The following PBRM1 variants were observed in gnomAD, a reference collection of about 807,000 sequenced individuals.
PBRM1 encodes polybromo 1, also known as protein polybromo-1.
Under a neutral mutation model 194.5 loss-of-function variants are expected in PBRM1, and 27 were observed. That is an observed-to-expected ratio of 0.14 (90% CI 0.10 to 0.19). The LOEUF (loss-of-function observed/expected upper bound fraction) is 0.19, where lower values mean the gene tolerates loss of function less well. PBRM1 is among the 10% of genes least tolerant of loss of function. PBRM1 has a pLI of 1.00. For missense variants in PBRM1, 1,466 were observed against 2,077.2 expected (o/e 0.71, Z 5.72); for synonymous variants, 655 against 693.2 (o/e 0.94, Z 0.87).
chr3:52,682,218 AC>A, upstream of PBRM1: 1 of 152,302 alleles, frequency 6.6e-6, no homozygotes, highest in East Asian at 1.9e-4. Flanking sequence ...CACATGTGAC[AC>A]CAAGTGTTGG....
intron 3 of PBRM1, among the ~76,000 whole-genome samples, chr3:52,666,656 C>A (rs751567908): frequency 6.6e-6 from 1 of 152,112 alleles, no homozygotes; most frequent in Non-Finnish European, 1.5e-5. Context: ...CTTGGGAGAC[C>A]GAGGCGGGTC....
At chr3:52,564,276 G>T (rs755718207) in intron 22 of PBRM1, 43 bp from the exon 25 acceptor site, 1 of 1,370,602 alleles carries the variant, frequency 7.3e-7, no homozygotes, top group Non-Finnish European at 1.0e-6. Context: ...GTAAACTGTG[G>T]TCATAGTTAC....
intron 10 of PBRM1, among the ~76,000 whole-genome samples, chr3:52,635,511 A>G (rs949611917): frequency 1.3e-5 from 2 of 152,078 alleles, no homozygotes; most frequent in African/African-American, 4.8e-5. Flanking sequence ...GGTTGCAGTG[A>G]GCCGAGATTA....
At chr3:52,644,724 A>T (rs1560713073) in exon 8 of PBRM1, 1 of 1,559,424 alleles carries the variant, frequency 6.4e-7, no homozygotes, top group Non-Finnish European at 8.8e-7. Flanking sequence ...GACTTGACTT[A>T]GCCATTTCAT....
upstream of PBRM1, chr3:52,679,850 C>A: frequency 1.7e-6 from 1 of 586,124 alleles, no homozygotes; most frequent in Non-Finnish European, 2.7e-6. Context: ...TGTAGTTTAA[C>A]TAGCTATAAG....
At chr3:52,657,315 CAAT>C (rs1158455138) in intron 5 of PBRM1, among the ~76,000 whole-genome samples, 2 of 151,464 alleles carry the variant, frequency 1.3e-5, no homozygotes, top group African/African-American at 4.9e-5. Context: ...TCCTTTACCA[CAAT>C]AAGAAACAAA....
intron 29 of PBRM1, 118 bp from the exon 32 acceptor site, chr3:52,548,353 A>C: frequency 1.7e-6 from 1 of 604,356 alleles, no homozygotes; most frequent in Non-Finnish European, 2.7e-6. Flanking sequence ...ATTAAATATT[A>C]TGAATTTTAA....
chr3:52,628,767 C>G, intron 12 of PBRM1, 127 bp downstream of exon 13: 1 of 863,374 alleles, frequency 1.2e-6, no homozygotes. Context: ...CCACCGCACC[C>G]AGCCAAATGA....
At chr3:52,599,203 T>C (rs2093802367) in intron 17 of PBRM1, among the ~76,000 whole-genome samples, 1 of 151,778 alleles carries the variant, frequency 6.6e-6, no homozygotes, top group Non-Finnish European at 1.5e-5. Context: ...CAAAAAAAAT[T>C]GCACATATTT....
chr3:52,615,460 C>G lies in PBRM1; in HGVS notation c.1819-4G>C. The G allele has an allele frequency of 2.0e-6, 3 of 1,512,688 alleles. No individual in the cohort carries two copies. Among genetic ancestry groups the G allele is most frequent in the Non-Finnish European group, 2.8e-6 (3 of 1,088,736 alleles). 93.7% of individuals were successfully genotyped at this position (1,512,688 alleles called of 1,614,324 possible). A position where few individuals can be genotyped will look rare whatever the true frequency, so the allele number is the denominator to read the frequency against. On this transcript the variant is annotated splice_polypyrimidine_tract_variant and splice_region_variant and intron_variant, in intron 14 of 29. Transcript: ENST00000296302. ...GGATATGTGCATCATTATAAACCTACATTCCAAAAATATACTTCAATTATT... is the reference window on the plus strand; with the variant it reads ...GGATATGTGCATCATTATAAACCTAGATTCCAAAAATATACTTCAATTATT...
intron 22 of PBRM1, among the ~76,000 whole-genome samples, chr3:52,566,697 T>C (rs906080102): frequency 6.6e-5 from 10 of 152,210 alleles, no homozygotes; most frequent in Non-Finnish European, 1.2e-4. Context: ...ACAAAGTTTT[T>C]ATTTGGGATA....
intron 5 of PBRM1, among the ~76,000 whole-genome samples, chr3:52,655,997 G>T (rs1040303874): frequency 2.0e-5 from 3 of 152,172 alleles, no homozygotes; most frequent in African/African-American, 7.2e-5. Context: ...TCAGGGAGTA[G>T]AAAAGAAGGC....
At chr3:52,673,681 A>ATATATATATAGAT in intron 2 of PBRM1, among the ~76,000 whole-genome samples, 1 of 150,794 alleles carries the variant, frequency 6.6e-6, no homozygotes. Flanking sequence ...CAAAAAAAAA[A>ATATATATATAGAT]AAAAAAAAAA....
chr3:52,615,269 T>C (rs2094896258), intron 15 of PBRM1, 82 bp downstream of exon 17: 2 of 756,476 alleles, frequency 2.6e-6, no homozygotes, highest in Non-Finnish European at 4.6e-6. Context: ...ATATTCATAA[T>C]TTAATTAAAT....
chr3:52,566,342 A>G (rs2085208335), intron 22 of PBRM1, among the ~76,000 whole-genome samples: 1 of 152,230 alleles, frequency 6.6e-6, no homozygotes, highest in African/African-American at 2.4e-5. Context: ...ATTTCTAGGT[A>G]TATATCCAAA....
Position 52,589,061 on chromosome 3 carries a change from C to T in PBRM1, c.2965+9G>A. ...CACTAAACTGTCCTTTGATTTAAAA[C>T]AAACTTACCAGCTGAATCCTCCCAC... is the stretch of plus-strand genomic sequence containing the variant. On this transcript the variant is annotated intron_variant, in intron 18 of 29. Coordinates refer to ENST00000296302, the Ensembl canonical transcript of PBRM1. 6.2e-7 allele frequency: 1 copy of T among 1,609,324 alleles called. No individual in the cohort carries two copies. The highest frequency in any genetic ancestry group is 8.5e-7 in the Non-Finnish European group (1 of 1,176,230).
At chr3:52,550,477 A>G (rs2080680257) in exon 29 of PBRM1, 1 of 1,576,502 alleles carries the variant, frequency 6.3e-7, no homozygotes, top group Non-Finnish European at 8.6e-7. Flanking sequence ...GAGTCCTTCA[A>G]TGTATTTCAG....
At chr3:52,556,754 G>A (rs1040343596) in intron 26 of PBRM1, among the ~76,000 whole-genome samples, 34 of 152,146 alleles carry the variant, frequency 2.2e-4, no homozygotes, top group African/African-American at 7.5e-4. Flanking sequence ...GGTTCCCCAT[G>A]AGGACCAAAG....
At chr3:52,661,138 G>A (rs974830089) in intron 4 of PBRM1, among the ~76,000 whole-genome samples, 1 of 152,092 alleles carries the variant, frequency 6.6e-6, no homozygotes, top group Non-Finnish European at 1.5e-5. Context: ...CGATTATCCT[G>A]CCTCAGCCTC....
Sources: allele counts gnomAD v4.1 joint callset (sites outside exome capture counted in the v4.1 genomes callset), GRCh38; gene constraint gnomAD v4.1.1; transcripts MANE v1.5; gene names NCBI Gene and HGNC (gene_info 2026-07-23, HGNC 2026-07-21).